The following BCAS3 variants were observed in gnomAD, a reference collection of about 807,000 sequenced individuals.
The protein encoded by BCAS3 is BCAS3 microtubule associated cell migration factor.
A neutral mutation model predicts 116.1 loss-of-function variants in BCAS3; 53 were observed. That is an observed-to-expected ratio of 0.46 (90% CI 0.37 to 0.57). The LOEUF is 0.57. BCAS3 is among the 20% of genes least tolerant of loss of function. BCAS3 has a pLI of 0.00. For missense variants in BCAS3, 917 were observed against 1,165.4 expected, an observed-to-expected ratio of 0.79 and a Z score of 3.10; for synonymous variants, 391 against 408.2, an observed-to-expected ratio of 0.96 and a Z score of 0.51.
chr17:60,756,291 C>T (rs1379894740), intron 6 of BCAS3, among the ~76,000 whole-genome samples: 1 of 152,184 alleles, frequency 6.6e-6, no homozygotes, highest in African/African-American at 2.4e-5. Flanking sequence ...GGAGCACAGA[C>T]AGTAATGCTT....
chr17:60,709,392 A>G, intron 5 of BCAS3, 67 bp downstream of exon 5: 1 of 1,043,416 alleles, frequency 9.6e-7, no homozygotes, highest in East Asian at 2.4e-5. Context: ...TGAAATCTGT[A>G]GATACTTTTT....
At chr17:60,970,004 A>G (rs966548359) in intron 14 of BCAS3, among the ~76,000 whole-genome samples, 4 of 152,244 alleles carry the variant, frequency 2.6e-5, no homozygotes, top group Admixed American at 6.5e-5. Context: ...CTAATGGCAC[A>G]TAATACCAGA....
rs895921261 is a variant in BCAS3, at chr17:61,387,640, G to A, written c.2594-4337G>A. ...GCCCAAGGCATAGAGGGGCAGCTGC[G>A]GGTAACAGGCCCATTTCCAATATGA... On this transcript the variant is annotated intron_variant, in intron 23 of 23. Coordinates refer to ENST00000407086, the MANE Select transcript of BCAS3 (RefSeq NM_017679.5). This position sits in a 1 kb window ranked among gnomAD's most constrained non-coding sequence, Gnocchi z 6.2. Among the ~76,000 whole-genome samples the A allele has an allele frequency of 7.2e-5, 11 of 152,154 alleles. No homozygotes were observed. Among genetic ancestry groups the A allele is most frequent in the African/African-American group, 2.2e-4 (9 of 41,426 alleles).
chr17:61,023,209 A>G lies in BCAS3; in HGVS notation c.1637+7308A>G, dbSNP rs2065994271. The stretch of plus-strand genomic sequence containing the variant: ...TTTTAACAGAGGGCACACAGAATTT[A>G]GAAGTCATTAGCATCCCTAGAATTT... On this transcript the variant is annotated intron_variant, in intron 16 of 23. Coordinates refer to ENST00000407086, the MANE Select transcript of BCAS3 (RefSeq NM_017679.5). The surrounding 1 kb of genome is among the most constrained non-coding windows in gnomAD (Gnocchi z 4.8). Among the ~76,000 whole-genome samples, 1 of 152,264 alleles carries G rather than the reference A, an allele frequency of 6.6e-6. No homozygotes were observed. Among genetic ancestry groups the G allele is most frequent in the Non-Finnish European group, 1.5e-5 (1 of 68,036 alleles).
At chr17:61,064,459 G>A (rs988738462) in intron 19 of BCAS3, among the ~76,000 whole-genome samples, 1 of 152,118 alleles carries the variant, frequency 6.6e-6, no homozygotes, top group Non-Finnish European at 1.5e-5. Context: ...TAAATTGTGA[G>A]CCCAGCCAGA....
intron 22 of BCAS3, among the ~76,000 whole-genome samples, chr17:61,107,695 C>A (rs1254848392): frequency 6.6e-6 from 1 of 152,130 alleles, no homozygotes; most frequent in Non-Finnish European, 1.5e-5. Context: ...ATAGTCTATT[C>A]CCTTTAATTG....
At chr17:60,686,380 C>G (rs1271976961) in intron 3 of BCAS3, among the ~76,000 whole-genome samples, 2 of 152,036 alleles carry the variant, frequency 1.3e-5, no homozygotes, top group African/African-American at 4.8e-5. Context: ...TGCAAATATC[C>G]TCCTAAAGAG....
In BCAS3 at chr17:61,229,086, C is replaced by T. The variant is rs2082522379; in HGVS notation, c.2426-139241C>T. Among the ~76,000 whole-genome samples, 1 of 152,130 alleles carries T rather than the reference C, an allele frequency of 6.6e-6. No individual in the cohort carries two copies. The highest frequency in any genetic ancestry group is 2.4e-5 in the African/African-American group (1 of 41,426). ...TGTCTGGATGGCAGATAAAACCAAC[C>T]ACAACATTTCTCAAACTGTTGGCCT... is the stretch of plus-strand genomic sequence containing the variant. On this transcript the variant is annotated intron_variant, in intron 22 of 23. Transcript: ENST00000407086. The surrounding 1 kb of genome is among the most constrained non-coding windows in gnomAD (Gnocchi z 4.4).
rs1033294539 is a variant in BCAS3, at chr17:61,311,427, G to A, written c.2426-56900G>A. 3.9e-5 allele frequency among the ~76,000 whole-genome samples: 6 copies of A among 152,262 alleles called. No individual in the cohort carries two copies. In the East Asian group the frequency reaches 5.8e-4, roughly 15 times the overall value. On this transcript the variant is annotated intron_variant, in intron 22 of 23. Coordinates refer to ENST00000407086, the MANE Select transcript of BCAS3 (RefSeq NM_017679.5). Reference sequence around the variant, plus strand: ...GATGGAGTTACATCCTTCACAGCACGGTCCAAATTAGAGATCTCCAGTCAG... The same window carrying A: ...GATGGAGTTACATCCTTCACAGCACAGTCCAAATTAGAGATCTCCAGTCAG...
rs1041249605 is a variant in BCAS3, at chr17:61,130,815, G to A, written c.2425+46251G>A. The A allele has an allele frequency of 2.0e-5, 3 of 152,476 alleles. No individual in the cohort carries two copies. The highest frequency in any genetic ancestry group is 7.2e-5 in the African/African-American group (3 of 41,444). 9.4% of individuals were successfully genotyped at this position (152,476 alleles called of 1,614,324 possible). A position where few individuals can be genotyped will look rare whatever the true frequency, so the allele number is the denominator to read the frequency against. On this transcript the variant is annotated intron_variant, in intron 22 of 23. Transcript: ENST00000407086. The surrounding 1 kb of genome is among the most constrained non-coding windows in gnomAD (Gnocchi z 5.0). Reference sequence around the variant, plus strand: ...CTCACACCTGTAATCCCAGCACTTTGGGAGGCCAAGGCGGGCTGATCACTT... The same window carrying A: ...CTCACACCTGTAATCCCAGCACTTTAGGAGGCCAAGGCGGGCTGATCACTT...
intron 7 of BCAS3, among the ~76,000 whole-genome samples, chr17:60,853,862 A>G (rs1013433053): frequency 2.6e-5 from 4 of 152,154 alleles, no homozygotes; most frequent in Non-Finnish European, 5.9e-5. Context: ...TTATTGCTGA[A>G]TAATACTCCA....
At position 61,180,765 on chromosome 17, in the gene BCAS3, A is replaced by T. The variant is rs776174196; in HGVS notation, c.2425+96201A>T. Among the ~76,000 whole-genome samples, 11 of 152,250 alleles carry T rather than the reference A, an allele frequency of 7.2e-5. No homozygotes were observed. The highest frequency in any genetic ancestry group is 1.4e-4 in the African/African-American group (6 of 41,470). On this transcript the variant is annotated intron_variant, in intron 22 of 23. Coordinates refer to ENST00000407086, the MANE Select transcript of BCAS3 (RefSeq NM_017679.5). The surrounding 1 kb of genome is among the most constrained non-coding windows in gnomAD (Gnocchi z 6.0). ...AGGCTTTGTGCTGTAGGCACAGAATAAAGTTATCCTAGCCATGTAGCACTT... is the reference window on the plus strand; with the variant it reads ...AGGCTTTGTGCTGTAGGCACAGAATTAAGTTATCCTAGCCATGTAGCACTT...
intron 6 of BCAS3, among the ~76,000 whole-genome samples, chr17:60,795,848 C>T (rs2047168490): frequency 6.6e-6 from 1 of 152,086 alleles, no homozygotes. Context: ...CGCCACCACA[C>T]CTGGCTAATT....
chr17:60,947,986 G>A (rs933555340), intron 14 of BCAS3, among the ~76,000 whole-genome samples: 6 of 152,088 alleles, frequency 3.9e-5, no homozygotes, highest in African/African-American at 1.2e-4. Flanking sequence ...AGATAATCAC[G>A]TACACGTGCA....
At chr17:61,320,325 A>G (rs1311861493) in intron 22 of BCAS3, among the ~76,000 whole-genome samples, 1 of 152,100 alleles carries the variant, frequency 6.6e-6, no homozygotes, top group Non-Finnish European at 1.5e-5. Context: ...CTATGAACCA[A>G]AAGACCTGGG....
rs137916169 is a variant in BCAS3, at chr17:60,779,356, A to G, written c.404-28648A>G. ...TATGTGTAAGGTGCATATGAAACGT[A>G]AGTTATTTTCTTTCTTTTTTTTTTT... On this transcript the variant is annotated intron_variant, in intron 6 of 23. Transcript: ENST00000407086. Among the ~76,000 whole-genome samples, 185 of 152,130 alleles carry G rather than the reference A, an allele frequency of 1.2e-3. 1 individual carries two copies. Among genetic ancestry groups the G allele is most frequent in the African/African-American group, 4.0e-3 (167 of 41,510 alleles).
chr17:61,070,876 G>C (rs1341512592), intron 19 of BCAS3, among the ~76,000 whole-genome samples: 5 of 152,128 alleles, frequency 3.3e-5, no homozygotes, highest in Non-Finnish European at 7.3e-5. Context: ...ACGCTGGCAG[G>C]TCATATCTGT....
intron 22 of BCAS3, among the ~76,000 whole-genome samples, chr17:61,115,298 C>G (rs945839026): frequency 6.6e-6 from 1 of 152,204 alleles, no homozygotes; most frequent in Non-Finnish European, 1.5e-5. Context: ...TCAGAGTCAA[C>G]AGGCAACCTA....
chr17:61,153,090 C>A (rs567728725), intron 22 of BCAS3, among the ~76,000 whole-genome samples: 1 of 152,324 alleles, frequency 6.6e-6, no homozygotes, highest in South Asian at 2.1e-4. Context: ...CCTTTCTCTT[C>A]CCATAGCTTC....
Sources: gnomAD v4.1 joint callset for allele counts (sites outside exome capture counted in the v4.1 genomes callset) on GRCh38, gnomAD v4.1.1 for gene constraint, Gnocchi (gnomAD v3.1) non-coding constraint, MANE v1.5 for transcripts, NCBI Gene and HGNC (gene_info 2026-07-23, HGNC 2026-07-21) for gene names.